EIF3D: variants seen among roughly 807,000 people sequenced by gnomAD.
EIF3D encodes eukaryotic translation initiation factor 3 subunit D.
Under a neutral mutation model 75.4 loss-of-function variants are expected in EIF3D, and 10 were observed. That is an observed-to-expected ratio of 0.13 (90% CI 0.08 to 0.22). The LOEUF is 0.22. Ranked by LOEUF, EIF3D falls within the 10% of genes least tolerant of loss-of-function variation. The probability of loss-of-function intolerance (pLI) is 1.00; values close to 1 mark genes in which losing one functional copy is unlikely to be tolerated. For missense variants in EIF3D, 394 were observed against 708.0 expected (o/e 0.56, Z 5.03); for synonymous variants, 246 against 248.3 (o/e 0.99, Z 0.09).
At chr22:36,515,548 T>C (rs1179840683) in intron 12 of EIF3D, among the ~76,000 whole-genome samples, 1 of 151,948 alleles carries the variant, frequency 6.6e-6, no homozygotes, top group Non-Finnish European at 1.5e-5. Flanking sequence ...AAATAAAAAA[T>C]AAAAGTAAAA....
At chr22:36,521,129 G>A (rs2145875400) in intron 6 of EIF3D, among the ~76,000 whole-genome samples, 1 of 152,336 alleles carries the variant, frequency 6.6e-6, no homozygotes, top group East Asian at 1.9e-4. Flanking sequence ...GAATCTGGGA[G>A]GCGGAGGTTG....
chr22:36,521,773 G>GAAAA (rs58996003), intron 6 of EIF3D, among the ~76,000 whole-genome samples: 1,976 of 88,650 alleles, frequency 0.022, 65 homozygotes, highest in African/African-American at 0.072. Flanking sequence ...CAAAACATAT[G>GAAAA]AAAAAAAAAA....
chr22:36,525,018 T>C (rs962458767), intron 3 of EIF3D, among the ~76,000 whole-genome samples: 6 of 152,184 alleles, frequency 3.9e-5, no homozygotes, highest in Non-Finnish European at 8.8e-5. Context: ...CATTTCACTC[T>C]CTGCGTTATT....
At chr22:36,512,417 C>T (rs1172268138) in intron 13 of EIF3D, 43 bp downstream of exon 13, 3 of 1,610,756 alleles carry the variant, frequency 1.9e-6, no homozygotes, top group Non-Finnish European at 1.7e-6. Context: ...CCAGACCCTT[C>T]CTTTCACAAG....
chr22:36,511,391 C>T (rs538243701), intron 14 of EIF3D, 112 bp downstream of exon 14: 2 of 1,532,488 alleles, frequency 1.3e-6, no homozygotes, highest in African/African-American at 1.4e-5. Context: ...ATACTTAAGT[C>T]TCAGGGAATT....
At chr22:36,515,516 G>A (rs953550007) in intron 12 of EIF3D, among the ~76,000 whole-genome samples, 1 of 152,102 alleles carries the variant, frequency 6.6e-6, no homozygotes, top group Non-Finnish European at 1.5e-5. Context: ...CAACAAGAGC[G>A]AAACTCCGTT....
At chr22:36,528,667 A>G (rs5995298) in intron 1 of EIF3D, 44,669 of 150,142 alleles carry the variant, frequency 0.3, 8,420 homozygotes, top group African/African-American at 0.54. Context: ...ACAAAAAAGG[A>G]AAGATAACCT....
At chr22:36,515,820 G>A (rs1934415885) in intron 12 of EIF3D, among the ~76,000 whole-genome samples, 1 of 133,208 alleles carries the variant, frequency 7.5e-6, no homozygotes, top group East Asian at 2.4e-4. Context: ...AGCTCACCAG[G>A]AAAAATCCAA....
At chr22:36,516,885 T>C in intron 10 of EIF3D, 95 bp from the exon 11 acceptor site, 1 of 1,205,354 alleles carries the variant, frequency 8.3e-7, no homozygotes, top group Non-Finnish European at 1.2e-6. Context: ...GTTGCAGCCC[T>C]GGCCAGGTTC....
chr22:36,528,593 C>CT (rs1348791641), intron 1 of EIF3D: 1 of 119,748 alleles, frequency 8.4e-6, no homozygotes, highest in Admixed American at 7.7e-5. Flanking sequence ...CATCGCTGAA[C>CT]AGGGGGTGGG....
intron 1 of EIF3D, among the ~76,000 whole-genome samples, chr22:36,526,589 G>C (rs1422374137): frequency 1.3e-5 from 2 of 151,640 alleles, no homozygotes; most frequent in Admixed American, 1.3e-4. Flanking sequence ...ACTTCCCTAA[G>C]ACTTAGTAGT....
chr22:36,511,405 G>A (rs557840185), intron 14 of EIF3D, 98 bp downstream of exon 14: 12 of 1,542,856 alleles, frequency 7.8e-6, no homozygotes, highest in African/African-American at 5.5e-5. Context: ...GGGAATTCTC[G>A]AAGTTTTATC....
rs775163317 is a variant in EIF3D at position 36,523,310 on chromosome 22, C to T, written c.393-29G>A. The T allele has an allele frequency of 3.1e-6, 5 of 1,588,178 alleles. No individual in the cohort carries two copies. In the Admixed American group the frequency reaches 5.2e-5, roughly 16 times the overall value. ...GAAAGACAGACATATGATCTCAGTG[C>T]AGACCTTTAAACCAGTGGCTTCTTC... On this transcript the variant is annotated intron_variant, in intron 5 of 14. Coordinates refer to ENST00000216190, the MANE Select transcript of EIF3D (RefSeq NM_003753.4).
chr22:36,525,239 CTT>C (rs10709824), intron 3 of EIF3D, among the ~76,000 whole-genome samples: 154 of 93,922 alleles, frequency 1.6e-3, no homozygotes, highest in East Asian at 2.7e-3. Flanking sequence ...AGGGGTTTTA[CTT>C]TTTTTTTTTT....
intron 4 of EIF3D, 114 bp downstream of exon 4, chr22:36,524,482 A>G: frequency 6.8e-7 from 1 of 1,466,852 alleles, no homozygotes; most frequent in Non-Finnish European, 9.3e-7. Flanking sequence ...GATTCACGAA[A>G]AGACCTATAA....
intron 14 of EIF3D, 200 bp downstream of exon 14, chr22:36,511,303 A>G: frequency 9.0e-7 from 1 of 1,112,938 alleles, no homozygotes; most frequent in South Asian, 1.7e-5. Context: ...TCTCTAAAAC[A>G]CCGCTATCCT....
intron 7 of EIF3D, among the ~76,000 whole-genome samples, chr22:36,520,344 G>A (rs1934492604): frequency 6.6e-6 from 1 of 152,130 alleles, no homozygotes; most frequent in Non-Finnish European, 1.5e-5. Context: ...TTTTAGTAGA[G>A]ACTGGGTTTC....
chr22:36,523,371 T>C (rs983532961), intron 5 of EIF3D, 90 bp from the exon 6 acceptor site: 2 of 1,019,858 alleles, frequency 2.0e-6, no homozygotes, highest in Admixed American at 2.2e-5. Flanking sequence ...CAGCTAAACC[T>C]TACCATCACC....
intron 6 of EIF3D, among the ~76,000 whole-genome samples, chr22:36,521,951 A>C (rs542025541): frequency 1.7e-4 from 26 of 152,188 alleles, no homozygotes; most frequent in African/African-American, 5.5e-4. Context: ...AAAACAAAAA[A>C]CAAAAACCAA....
Sources: gnomAD v4.1 joint callset for allele counts (sites outside exome capture counted in the v4.1 genomes callset) on GRCh38, gnomAD v4.1.1 for gene constraint, MANE v1.5 for transcripts, NCBI Gene and HGNC (gene_info 2026-07-23, HGNC 2026-07-21) for gene names.